The following ZFHX3 variants were observed in gnomAD, a reference collection of about 807,000 sequenced individuals.
ZFHX3 encodes the protein zinc finger homeobox protein 3.
A neutral mutation model predicts 279.1 loss-of-function variants in ZFHX3; 42 were observed. The observed-to-expected ratio is 0.15, with a 90% CI of 0.12 to 0.19. The LOEUF (loss-of-function observed/expected upper bound fraction) is 0.19, where lower values mean the gene tolerates loss of function less well. Among genes scored for constraint, ZFHX3 ranks in the 10% least tolerant of loss-of-function variants. ZFHX3 has a pLI of 1.00. For missense variants in ZFHX3, 4,981 were observed against 4,754.0 expected (o/e 1.05, Z -1.40); for synonymous variants, 2,293 against 1,957.8 (o/e 1.17, Z -4.52).
chr16:73,536,762 C>T (rs950741783), intron 2 of ZFHX3, among the ~76,000 whole-genome samples: 6 of 152,084 alleles, frequency 3.9e-5, no homozygotes, highest in East Asian at 1.9e-4. Flanking sequence ...GCGTAGCCCA[C>T]GAGAGTCCGG....
intron 3 of ZFHX3, among the ~76,000 whole-genome samples, chr16:73,395,851 G>C (rs1466126855): frequency 4.6e-5 from 7 of 152,102 alleles, no homozygotes; most frequent in African/African-American, 1.7e-4. Flanking sequence ...CTTACCTTAA[G>C]TGCAGATATA....
chr16:72,811,001 CT>C (rs2036428779), intron 7 of ZFHX3, among the ~76,000 whole-genome samples: 1 of 152,184 alleles, frequency 6.6e-6, no homozygotes, highest in Non-Finnish European at 1.5e-5. Flanking sequence ...CCAATTCAGC[CT>C]CCCAAGTAGC....
At chr16:72,843,830 T>A (rs1254266152) in intron 4 of ZFHX3, among the ~76,000 whole-genome samples, 1 of 152,000 alleles carries the variant, frequency 6.6e-6, no homozygotes, top group African/African-American at 2.4e-5. Context: ...ATGGCAAGGA[T>A]AAAAAATGAA....
intron 5 of ZFHX3, among the ~76,000 whole-genome samples, chr16:73,179,139 C>G (rs370118830): frequency 1.3e-5 from 2 of 152,318 alleles, no homozygotes; most frequent in African/African-American, 4.8e-5. Context: ...TATGTTTACA[C>G]AGATTGCCCT....
At chr16:73,694,473 AG>A (rs935281611) in intron 1 of ZFHX3, among the ~76,000 whole-genome samples, 5 of 151,956 alleles carry the variant, frequency 3.3e-5, no homozygotes, top group Non-Finnish European at 5.9e-5. Flanking sequence ...CCTCCTGAGT[AG>A]CTGGGGCTAC....
At chr16:73,050,268 G>A (rs902046171), upstream of ZFHX3, among the ~76,000 whole-genome samples, 3 of 152,210 alleles carry the variant, frequency 2.0e-5, no homozygotes, top group Admixed American at 6.5e-5. Flanking sequence ...CAGAAGGCCC[G>A]GACGGGATCT....
intron 5 of ZFHX3, among the ~76,000 whole-genome samples, chr16:73,157,551 A>T (rs1967123727): frequency 6.6e-6 from 1 of 151,468 alleles, no homozygotes; most frequent in South Asian, 2.1e-4. Context: ...CTCCTCCTTA[A>T]AAAAGGGGGT....
chr16:72,993,324 T>C (rs757967131), intron 1 of ZFHX3, among the ~76,000 whole-genome samples: 4 of 152,218 alleles, frequency 2.6e-5, no homozygotes, highest in South Asian at 2.1e-4. Context: ...ATGTGGTCTA[T>C]GCTAAGAGAT....
chr16:73,111,446 C>G (rs981568344), intron 7 of ZFHX3, among the ~76,000 whole-genome samples: 2 of 152,098 alleles, frequency 1.3e-5, no homozygotes, highest in Non-Finnish European at 2.9e-5. Flanking sequence ...AAAAGTTGAC[C>G]TGGGGGCTCT....
At chr16:73,243,007 A>C (rs73597390) in intron 5 of ZFHX3, among the ~76,000 whole-genome samples, 13,408 of 152,250 alleles carry the variant, frequency 0.088, 987 homozygotes, top group East Asian at 0.45. Flanking sequence ...GGGTCCTGAC[A>C]GTGAAAAGGA....
At chr16:73,511,142 T>G (rs1256015905) in intron 2 of ZFHX3, among the ~76,000 whole-genome samples, 1 of 152,216 alleles carries the variant, frequency 6.6e-6, no homozygotes, top group Non-Finnish European at 1.5e-5. Flanking sequence ...AATGAAAAAT[T>G]GCTTCTACCT....
chr16:72,911,456 G>A (rs138798087), intron 3 of ZFHX3, among the ~76,000 whole-genome samples: 23 of 152,154 alleles, frequency 1.5e-4, no homozygotes, highest in African/African-American at 5.3e-4. Flanking sequence ...TTTTTCCTTC[G>A]GAAAACTTAC....
intron 3 of ZFHX3, among the ~76,000 whole-genome samples, chr16:72,919,901 C>G (rs140953689): frequency 0.023 from 3,224 of 142,168 alleles, 129 homozygotes; most frequent in African/African-American, 0.078. Flanking sequence ...TCAAGCGATT[C>G]TCCTGCCTCA....
chr16:73,663,602 G>A (rs1374734613), intron 2 of ZFHX3, among the ~76,000 whole-genome samples: 1 of 152,204 alleles, frequency 6.6e-6, no homozygotes, highest in African/African-American at 2.4e-5. Context: ...AAGCAACACG[G>A]GTTTGAAAGC....
At chr16:73,304,578 G>C (rs972596859) in intron 4 of ZFHX3, among the ~76,000 whole-genome samples, 1 of 152,140 alleles carries the variant, frequency 6.6e-6, no homozygotes, top group Non-Finnish European at 1.5e-5. Flanking sequence ...GCATGCTCCC[G>C]TCTCGCCTGT....
intron 1 of ZFHX3, among the ~76,000 whole-genome samples, chr16:73,730,844 A>T (rs1247780562): frequency 6.6e-6 from 1 of 152,140 alleles, no homozygotes; most frequent in South Asian, 2.1e-4. Flanking sequence ...TCTAAGGAAT[A>T]AGAACTTCCA....
At chr16:72,907,418 C>A (rs1475833021) in intron 3 of ZFHX3, among the ~76,000 whole-genome samples, 4 of 151,994 alleles carry the variant, frequency 2.6e-5, no homozygotes, top group African/African-American at 9.7e-5. Flanking sequence ...AAAAATTATC[C>A]TCATCATTCT....
chr16:73,358,745 C>T (rs1316089648), intron 3 of ZFHX3, among the ~76,000 whole-genome samples: 1 of 152,202 alleles, frequency 6.6e-6, no homozygotes, highest in Admixed American at 6.5e-5. Flanking sequence ...CTGTGTCCAG[C>T]TATGGGAGGC....
At chr16:73,445,998 T>C (rs1164120338) in intron 3 of ZFHX3, among the ~76,000 whole-genome samples, 10 of 152,350 alleles carry the variant, frequency 6.6e-5, no homozygotes, top group African/African-American at 2.4e-4. Flanking sequence ...CTTATGCTTC[T>C]CTCAGTTCCT....
Sources: allele counts gnomAD v4.1 joint callset (sites outside exome capture counted in the v4.1 genomes callset), GRCh38; gene constraint gnomAD v4.1.1; transcripts MANE v1.5; gene names NCBI Gene and HGNC (gene_info 2026-07-23, HGNC 2026-07-21).